The following HGSNAT variants were observed in gnomAD, a reference collection of about 807,000 sequenced individuals.
HGSNAT encodes the protein transmembrane protein 76.
HGSNAT carries 59 observed loss-of-function variants against 85.2 expected under a neutral mutation model. The ratio of observed to expected loss-of-function variants is 0.69; its 90% CI spans 0.56 to 0.86. The LOEUF (loss-of-function observed/expected upper bound fraction) is 0.86, where lower values mean the gene tolerates loss of function less well. Among genes scored for constraint, HGSNAT ranks in the 40% least tolerant of loss-of-function variants. The pLI, the probability that HGSNAT is intolerant of heterozygous loss-of-function variation, is 0.00. For missense variants in HGSNAT, 756 were observed against 777.1 expected (o/e 0.97, Z 0.32); for synonymous variants, 321 against 304.5 (o/e 1.05, Z -0.56).
At chr8:43,145,122 G>A (rs1399937519) in intron 1 of HGSNAT, among the ~76,000 whole-genome samples, 1 of 152,108 alleles carries the variant, frequency 6.6e-6, no homozygotes, top group Non-Finnish European at 1.5e-5. Flanking sequence ...TAGAGGAATG[G>A]GCCTCCCTTG....
intron 10 of HGSNAT, chr8:43,181,805 A>T (rs1354744523): frequency 1.1e-5 from 3 of 260,980 alleles, no homozygotes; most frequent in Non-Finnish European, 2.2e-5. Flanking sequence ...CAAATTCCTA[A>T]TAGGAAAGAG....
At position 43,178,030 on chromosome 8, in the gene HGSNAT, A is replaced by ATAT. The variant is rs1236619324; in HGVS notation, c.852-44_852-43insTAT. ...TAAAATGTTACTGATATATAGACAA[A>ATAT]AAATTTGGAAATGGCCACCTATTAA... On this transcript the variant is annotated intron_variant, in intron 9 of 17. Coordinates refer to ENST00000379644, the MANE Select transcript of HGSNAT (RefSeq NM_152419.3). The ATAT allele has an allele frequency of 9.0e-6, 14 of 1,552,740 alleles. No homozygotes were observed. In the Admixed American group the frequency reaches 2.3e-4, roughly 26 times the overall value.
At chr8:43,186,990 C>T (rs1804336900) in intron 11 of HGSNAT, among the ~76,000 whole-genome samples, 1 of 152,180 alleles carries the variant, frequency 6.6e-6, no homozygotes, top group South Asian at 2.1e-4. Flanking sequence ...AATTTGATTG[C>T]ACTGTGGTCT....
At chr8:43,191,368 A>C in intron 11 of HGSNAT, 106 bp from the exon 12 acceptor site, 1 of 1,412,632 alleles carries the variant, frequency 7.1e-7, no homozygotes, top group Non-Finnish European at 9.7e-7. Flanking sequence ...TATTACTGCC[A>C]AAAAGGCCAA....
At chr8:43,158,159 C>T (rs1391867913) in intron 2 of HGSNAT, among the ~76,000 whole-genome samples, 3 of 151,994 alleles carry the variant, frequency 2.0e-5, no homozygotes, top group East Asian at 1.9e-4. Flanking sequence ...AGTGCAGTGG[C>T]GTGATCTCAG....
chr8:43,150,828 C>T (rs1044753139), intron 2 of HGSNAT, among the ~76,000 whole-genome samples: 4 of 121,882 alleles, frequency 3.3e-5, no homozygotes, highest in South Asian at 2.8e-4. Flanking sequence ...AGCGAGACTC[C>T]GTTTCAAAAT....
At chr8:43,191,672 T>C in intron 12 of HGSNAT, 77 bp downstream of exon 12, 1 of 1,541,574 alleles carries the variant, frequency 6.5e-7, no homozygotes, top group Middle Eastern at 1.7e-4. Context: ...TTCACAGGTC[T>C]CGAGTCAGAG....
rs149771960 is a variant in HGSNAT, at chr8:43,175,627, A to G, written c.851+1884A>G. On this transcript the variant is annotated intron_variant, in intron 9 of 17. Coordinates refer to ENST00000379644, the MANE Select transcript of HGSNAT (RefSeq NM_152419.3). ...GTAGCCCAGGTGGGAGTGCAGTGGC[A>G]TGATCTTGGTTCATTGCAACCTCTG... Among the ~76,000 whole-genome samples, 648 of 131,078 alleles carry G rather than the reference A, an allele frequency of 4.9e-3. 9 individuals are homozygous for G. Among genetic ancestry groups the G allele is most frequent in the African/African-American group, 0.018 (620 of 33,548 alleles). The allele number at this position is 131,078 out of a possible 152,430, so 86.0% of individuals were successfully genotyped here.
chr8:43,169,135 A>G (rs767944176), intron 5 of HGSNAT, 38 bp from the exon 6 acceptor site: 4 of 1,312,060 alleles, frequency 3.0e-6, no homozygotes, highest in Middle Eastern at 1.9e-4. Flanking sequence ...AATTCTGCCA[A>G]TGAAAATAAA....
chr8:43,184,242 G>A (rs1404046575), intron 11 of HGSNAT, among the ~76,000 whole-genome samples: 5 of 152,210 alleles, frequency 3.3e-5, no homozygotes, highest in South Asian at 4.2e-4. Flanking sequence ...ACTAGTTTAC[G>A]GTCCCACCAA....
chr8:43,146,751 G>T (rs956294943), intron 1 of HGSNAT, among the ~76,000 whole-genome samples, 197 bp from the exon 2 acceptor site: 9 of 152,078 alleles, frequency 5.9e-5, no homozygotes, highest in Admixed American at 2.0e-4. Flanking sequence ...ATGCATGTGT[G>T]TGTGTGCACA....
chr8:43,167,595 T>C (rs1803471963), intron 5 of HGSNAT, among the ~76,000 whole-genome samples: 1 of 152,252 alleles, frequency 6.6e-6, no homozygotes, highest in South Asian at 2.1e-4. Flanking sequence ...ATATAACTTT[T>C]ATATACACTG....
intron 2 of HGSNAT, among the ~76,000 whole-genome samples, chr8:43,151,480 C>T (rs574311780): frequency 3.5e-4 from 53 of 152,194 alleles, no homozygotes; most frequent in South Asian, 1.9e-3. Flanking sequence ...AAATAAGTAA[C>T]ACGTGTGGCA....
chr8:43,160,459 C>T (rs1373050548), intron 4 of HGSNAT, among the ~76,000 whole-genome samples: 2 of 152,148 alleles, frequency 1.3e-5, no homozygotes, highest in Non-Finnish European at 2.9e-5. Flanking sequence ...CAGTGTTGGC[C>T]AGGAAGTTAT....
chr8:43,162,459 T>C (rs187786913), intron 5 of HGSNAT, among the ~76,000 whole-genome samples: 3 of 152,354 alleles, frequency 2.0e-5, no homozygotes, highest in Admixed American at 2.0e-4. Flanking sequence ...GTTTCATTTC[T>C]TTGAGTTAAG....
chr8:43,158,982 A>G lies in HGSNAT; in HGVS notation c.431A>G (p.Asn144Ser). The part of the protein sequence containing the change: ...NYSLLVKNIH[N>S]GVSEIACDLA... ...TCTCTCTTGGTAAAGAACATCCATAATGGAGTTAGTGAAATTGCCTGTGAC... is the reference window on the plus strand; with the variant it reads ...TCTCTCTTGGTAAAGAACATCCATAGTGGAGTTAGTGAAATTGCCTGTGAC... The change falls in exon 4 of 18, where the codon AAT (asparagine) becomes AGT (serine). Residue 144 changes from asparagine (N) to serine (S), a missense_variant. By Grantham distance (46) the Asn-to-Ser change is conservative. Transcript: ENST00000379644. 3 of 1,613,378 alleles carry G rather than the reference A, an allele frequency of 1.9e-6. No homozygotes were observed. Among genetic ancestry groups the G allele is most frequent in the Non-Finnish European group, 2.5e-6 (3 of 1,179,384 alleles).
At chr8:43,167,944 A>T (rs1287141569) in intron 5 of HGSNAT, 3 of 248,378 alleles carry the variant, frequency 1.2e-5, no homozygotes, top group East Asian at 3.1e-4. Flanking sequence ...TTTGAGACAG[A>T]GTCTTGCTAT....
chr8:43,161,626 C>T, intron 5 of HGSNAT, 119 bp downstream of exon 5: 1 of 655,252 alleles, frequency 1.5e-6, no homozygotes, highest in East Asian at 2.9e-5. Context: ...TTTCTGTGTC[C>T]CCCATGTCCA....
At chr8:43,140,637 C>A in intron 1 of HGSNAT, 23 bp downstream of exon 1, 1 of 1,152,292 alleles carries the variant, frequency 8.7e-7, no homozygotes, top group East Asian at 4.0e-5. Context: ...CTCCTACCGC[C>A]GCCCGGCCGG....
Sources: allele counts gnomAD v4.1 joint callset (sites outside exome capture counted in the v4.1 genomes callset), GRCh38; gene constraint gnomAD v4.1.1; transcripts MANE v1.5; gene names NCBI Gene and HGNC (gene_info 2026-07-23, HGNC 2026-07-21).